RAD51B: variants seen among roughly 807,000 people sequenced by gnomAD.
The protein encoded by RAD51B is DNA repair protein RAD51 homolog 2.
In RAD51B, 38 loss-of-function variants were observed where a neutral mutation model predicts 42.2. That is an observed-to-expected ratio of 0.90 (90% confidence interval 0.70 to 1.18). RAD51B has a LOEUF of 1.18. Ranked by LOEUF, RAD51B falls within the 50% of genes most tolerant of loss-of-function variation. The pLI is 0.00. For synonymous variants in RAD51B, 154 were observed against 145.2 expected, an observed-to-expected ratio of 1.06 and a Z score of -0.43; for missense variants, 373 against 400.7, an observed-to-expected ratio of 0.93 and a Z score of 0.59.
intron 11 of RAD51B, among the ~76,000 whole-genome samples, chr14:68,655,502 T>C (rs2140141828): frequency 6.6e-6 from 1 of 152,214 alleles, no homozygotes; most frequent in Admixed American, 6.5e-5. Context: ...GGACGGCGGA[T>C]GAATTGCAAA....
At chr14:68,506,907 T>G (rs1209013577) in intron 10 of RAD51B, among the ~76,000 whole-genome samples, 1 of 152,146 alleles carries the variant, frequency 6.6e-6, no homozygotes, top group Non-Finnish European at 1.5e-5. Context: ...CATTCTCAGT[T>G]AGAAAAAAAT....
chr14:68,604,890 A>G (rs1891383160), intron 10 of RAD51B, among the ~76,000 whole-genome samples: 1 of 152,046 alleles, frequency 6.6e-6, no homozygotes, highest in Non-Finnish European at 1.5e-5. Context: ...TCGGAGAGTG[A>G]CACTTTGGAC....
intron 7 of RAD51B, among the ~76,000 whole-genome samples, chr14:67,898,061 C>A (rs76679559): frequency 0.015 from 2,349 of 152,250 alleles, 65 homozygotes; most frequent in African/African-American, 0.053. Flanking sequence ...ATCCAGCAGT[C>A]TTATTTCTGG....
chr14:68,434,984 G>A (rs994754474), intron 9 of RAD51B, among the ~76,000 whole-genome samples: 15 of 152,192 alleles, frequency 9.9e-5, no homozygotes, highest in East Asian at 3.8e-4. Flanking sequence ...GAACATGGGT[G>A]TGCTGATATC....
intron 10 of RAD51B, among the ~76,000 whole-genome samples, chr14:68,642,390 A>C (rs1892480958): frequency 6.6e-6 from 1 of 152,202 alleles, no homozygotes; most frequent in Admixed American, 6.5e-5. Context: ...ATTTGTGGAC[A>C]TAGAGTTGTT....
intron 7 of RAD51B, among the ~76,000 whole-genome samples, chr14:68,045,388 C>G (rs1285351717): frequency 6.6e-6 from 1 of 151,946 alleles, no homozygotes. Flanking sequence ...CACACAGTGC[C>G]TTTTACACAA....
At chr14:68,337,611 T>C (rs940761040) in intron 8 of RAD51B, among the ~76,000 whole-genome samples, 2 of 152,238 alleles carry the variant, frequency 1.3e-5, no homozygotes, top group Non-Finnish European at 2.9e-5. Flanking sequence ...GTGGAGGTTT[T>C]TAAAATTTTC....
intron 10 of RAD51B, among the ~76,000 whole-genome samples, chr14:68,636,322 C>T (rs550495969): frequency 1.2e-4 from 18 of 152,266 alleles, no homozygotes; most frequent in African/African-American, 3.1e-4. Flanking sequence ...GTGGCTCACA[C>T]GTGTCATCTC....
At chr14:68,659,589 G>A (rs1892892322) in intron 11 of RAD51B, among the ~76,000 whole-genome samples, 1 of 152,196 alleles carries the variant, frequency 6.6e-6, no homozygotes, top group African/African-American at 2.4e-5. Context: ...GAGAGCCTGG[G>A]CAACCTCAGG....
chr14:67,885,945 G>C lies in RAD51B; in HGVS notation c.529G>C (p.Val177Leu), dbSNP rs1460524254. The change falls in exon 6 of 11, where the codon GTT (valine) becomes CTT (leucine). Residue 177 changes from valine to leucine, a missense_variant. Coordinates refer to ENST00000471583, the MANE Select transcript of RAD51B (RefSeq NM_133510.4). ...AAAGTTACTTTTGACAAGTAGTAAA[G>C]TTCATCTTTATCGGGAACTCACCTG... ...EEKLLLTSSK[V>L]HLYRELTCDE... 1.2e-6 allele frequency: 2 copies of C among 1,607,398 alleles called. No individual in the cohort carries two copies. Among genetic ancestry groups the C allele is most frequent in the African/African-American group, 1.3e-5 (1 of 74,748 alleles).
intron 9 of RAD51B, among the ~76,000 whole-genome samples, chr14:68,451,077 A>G (rs2085547526): frequency 6.6e-6 from 1 of 152,166 alleles, no homozygotes; most frequent in South Asian, 2.1e-4. Flanking sequence ...AAGATAACCT[A>G]TTCACTCATT....
chr14:68,323,651 TGGGTGTGGTG>T (rs2139773223), intron 8 of RAD51B, among the ~76,000 whole-genome samples: 1 of 152,254 alleles, frequency 6.6e-6, no homozygotes, highest in South Asian at 2.1e-4. Context: ...AACAGTTAGC[TGGGTGTGGTG>T]GCAGGCACCT....
chr14:68,511,890 A>G (rs1048664433), intron 10 of RAD51B, among the ~76,000 whole-genome samples: 2 of 152,178 alleles, frequency 1.3e-5, no homozygotes, highest in African/African-American at 2.4e-5. Flanking sequence ...TCATTCATTC[A>G]TTCATTCATT....
chr14:68,553,486 G>A (rs1289241048), intron 10 of RAD51B, among the ~76,000 whole-genome samples: 1 of 152,108 alleles, frequency 6.6e-6, no homozygotes, highest in East Asian at 1.9e-4. Flanking sequence ...CTGAAGACGA[G>A]CCATCTACTG....
chr14:68,673,900 A>G (rs867950688), intron 11 of RAD51B, among the ~76,000 whole-genome samples: 23 of 150,570 alleles, frequency 1.5e-4, no homozygotes, highest in African/African-American at 5.1e-4. Context: ...ACATGCACAC[A>G]CATACTGTAC....
At chr14:68,268,361 C>T (rs2081034722) in intron 7 of RAD51B, among the ~76,000 whole-genome samples, 1 of 152,206 alleles carries the variant, frequency 6.6e-6, no homozygotes, top group African/African-American at 2.4e-5. Flanking sequence ...GCACGTCACT[C>T]TCACTTCCTC....
downstream of RAD51B, among the ~76,000 whole-genome samples, chr14:68,600,144 C>T (rs2140092623): frequency 6.6e-6 from 1 of 152,272 alleles, no homozygotes; most frequent in Non-Finnish European, 1.5e-5. Flanking sequence ...AAGCAGCGGC[C>T]CTCTGATTTT....
intron 11 of RAD51B, among the ~76,000 whole-genome samples, chr14:68,669,522 T>C (rs1474562107): frequency 6.6e-6 from 1 of 152,108 alleles, no homozygotes; most frequent in Non-Finnish European, 1.5e-5. Flanking sequence ...TTGGGAAGAC[T>C]CTTTGTTCTT....
chr14:68,009,873 T>C (rs2075654661), intron 7 of RAD51B, among the ~76,000 whole-genome samples: 1 of 151,984 alleles, frequency 6.6e-6, no homozygotes, highest in African/African-American at 2.4e-5. Flanking sequence ...ATTAATTATC[T>C]TAGACTATTC....
Sources: gnomAD v4.1 joint callset for allele counts (sites outside exome capture counted in the v4.1 genomes callset) on GRCh38, gnomAD v4.1.1 for gene constraint, MANE v1.5 for transcripts, NCBI Gene and HGNC (gene_info 2026-07-23, HGNC 2026-07-21) for gene names.